The following ELF3 variants were observed in gnomAD, a reference collection of about 807,000 sequenced individuals.
ELF3 encodes E74 like ETS transcription factor 3.
A neutral mutation model predicts 43.9 loss-of-function variants in ELF3; 18 were observed. The observed-to-expected ratio is 0.41, with a 90% confidence interval of 0.28 to 0.61. ELF3 has a LOEUF of 0.61. Among genes scored for constraint, ELF3 ranks in the 20% least tolerant of loss-of-function variants. The pLI is 0.30. For synonymous variants in ELF3, 181 were observed against 190.2 expected (o/e 0.95, Z 0.40); for missense variants, 373 against 487.7 (o/e 0.76, Z 2.21).
rs764631516 is a variant in ELF3 at position 202,013,044 on chromosome 1, G to A, written c.688+8G>A. On this transcript the variant is annotated splice_region_variant and intron_variant, in intron 6 of 8. Coordinates refer to ENST00000367284, the MANE Select transcript of ELF3 (RefSeq NM_004433.5). The surrounding 1 kb of genome is among the most constrained non-coding windows in gnomAD (Gnocchi z 5.7). ...GCAAGCTCTTCCCCAGCGGTGAGTC[G>A]AGGGAGGTCCCCAAGAGGGCGTCCC... The A allele has an allele frequency of 3.1e-6, 5 of 1,611,302 alleles. No individual in the cohort carries two copies. Among genetic ancestry groups the A allele is most frequent in the South Asian group, 2.2e-5 (2 of 90,562 alleles).
Position 202,012,830 on chromosome 1 carries a change from A to G in ELF3, c.598+71A>G. The G allele has an allele frequency of 2.0e-6, 3 of 1,538,290 alleles. No homozygotes were observed. The highest frequency in any genetic ancestry group is 2.6e-6 in the Non-Finnish European group (3 of 1,143,238). ...CTTGTTCCCTCTGGCTCCCAGCACC[A>G]TAACTCAGGCCTTCTGGCAGGAACA... On this transcript the variant is annotated intron_variant, in intron 5 of 8. Coordinates refer to ENST00000367284, the MANE Select transcript of ELF3 (RefSeq NM_004433.5). The surrounding 1 kb of genome is among the most constrained non-coding windows in gnomAD (Gnocchi z 4.2).
rs745722163 is a variant in ELF3, at chr1:202,011,996, C to T, written c.203C>T (p.Ser68Leu). ...TTGGGGGAACAGCCCCAGTTCTGGTCGAAGACGCAGGTTCTGGACTGGATC... is the reference window on the plus strand; with the variant it reads ...TTGGGGGAACAGCCCCAGTTCTGGTTGAAGACGCAGGTTCTGGACTGGATC... Reference protein sequence around the residue: ...SWLGEQPQFWSKTQVLDWISY... With the variant: ...SWLGEQPQFWLKTQVLDWISY... Residue 68 changes from serine to leucine, a missense_variant, in exon 3 of 9, where the codon TCG becomes TTG. Coordinates refer to ENST00000367284, the MANE Select transcript of ELF3 (RefSeq NM_004433.5). The T allele has an allele frequency of 1.9e-6, 3 of 1,614,050 alleles. No individual in the cohort carries two copies. The highest frequency in any genetic ancestry group is 1.1e-5 in the South Asian group (1 of 91,062).
chr1:202,014,214 C>T (rs1684269242), intron 8 of ELF3, among the ~76,000 whole-genome samples, 190 bp downstream of exon 8: 1 of 152,222 alleles, frequency 6.6e-6, no homozygotes, highest in Non-Finnish European at 1.5e-5. Flanking sequence ...GCCTGGCAGA[C>T]AGCAGACACA....
At position 202,012,079 on chromosome 1, in the gene ELF3, G is replaced by A; in HGVS notation, c.286G>A (p.Asp96Asn). The A allele has an allele frequency of 6.2e-7, 1 of 1,614,232 alleles. No individual in the cohort carries two copies. The highest frequency in any genetic ancestry group is 1.1e-5 in the South Asian group (1 of 91,088). Residue 96 changes from aspartate (D) to asparagine (N), a missense_variant, in exon 3 of 9, where the codon GAC becomes AAC. Transcript: ENST00000367284. The surrounding 1 kb of genome is among the most constrained non-coding windows in gnomAD (Gnocchi z 4.2). ...AAGCGCCATTGACTTCTCACGATGT[G>A]ACATGGATGGCGCCACCCTCTGCAA... ...DASAIDFSRC[D>N]MDGATLCNCA...
chr1:202,011,198 C>T lies in ELF3; in HGVS notation c.62C>T (p.Ser21Leu), dbSNP rs150188692. 2.3e-5 allele frequency: 37 copies of T among 1,614,008 alleles called. No individual in the cohort carries two copies. Among genetic ancestry groups the T allele is most frequent in the Non-Finnish European group, 2.5e-5 (29 of 1,179,996 alleles). ...AACTACTTCAGTGCGATGTACAGCT[C>T]GGAGGACTCCACCCTGGCCTCTGTT... Reference protein sequence around the residue: ...FSNYFSAMYSSEDSTLASVPP... With the variant: ...FSNYFSAMYSLEDSTLASVPP... The change falls in exon 2 of 9, where the codon TCG becomes TTG. Residue 21 changes from serine to leucine, a missense_variant. By Grantham distance (145) the Ser-to-Leu change is moderately radical (BLOSUM62 -2). Transcript: ENST00000367284.
In ELF3 at chr1:202,012,822, C is replaced by T; in HGVS notation, c.598+63C>T. ...AAGTGTCCCTTGTTCCCTCTGGCTC[C>T]CAGCACCATAACTCAGGCCTTCTGG... On this transcript the variant is annotated intron_variant, in intron 5 of 8. Transcript: ENST00000367284. The surrounding 1 kb of genome is among the most constrained non-coding windows in gnomAD (Gnocchi z 4.2). 3 of 1,536,904 alleles carry T rather than the reference C, an allele frequency of 2.0e-6. No homozygotes were observed. Among genetic ancestry groups the T allele is most frequent in the Non-Finnish European group, 2.6e-6 (3 of 1,142,346 alleles).
In ELF3 at chr1:202,012,797, A is replaced by G. The variant is rs775471395; in HGVS notation, c.598+38A>G. The G allele has an allele frequency of 6.5e-7, 1 of 1,537,904 alleles. No individual in the cohort carries two copies. Among genetic ancestry groups the G allele is most frequent in the Non-Finnish European group, 8.8e-7 (1 of 1,142,628 alleles). On this transcript the variant is annotated intron_variant, in intron 5 of 8. Transcript: ENST00000367284. The surrounding 1 kb of genome is among the most constrained non-coding windows in gnomAD (Gnocchi z 4.2). ...TCTGGGCCACAACCTCCCTTCCCCG[A>G]AGTGTCCCTTGTTCCCTCTGGCTCC...
Position 202,011,256 on chromosome 1 carries a change from G to T in ELF3, c.120G>T (p.Leu40Phe), listed in dbSNP as rs1186983039. 6.2e-7 allele frequency: 1 copy of T among 1,611,436 alleles called. No individual in the cohort carries two copies. The highest frequency in any genetic ancestry group is 8.5e-7 in the Non-Finnish European group (1 of 1,178,652). Residue 40 changes from leucine to phenylalanine, a missense_variant, in exon 2 of 9, where the codon TTG (leucine) becomes TTT (phenylalanine). Leu to Phe is a conservative substitution (Grantham distance 22). Around this residue, in one of 3 missense-constraint regions of ELF3, gnomAD observed 311 missense variants for 351.2 expected, o/e 0.89. Transcript: ENST00000367284. ...PPAATFGADD[L>F]VLTLSNPQMS... ...CTGCCACCTTTGGGGCCGATGACTT[G>T]GTACTGACCCTGAGCAACCCCCAGA...
rs1684184722 is a variant in ELF3 at position 202,011,179 on chromosome 1, T to C, written c.43T>C (p.Phe15Leu). The change falls in exon 2 of 9, where the codon TTC becomes CTC. Residue 15 changes from phenylalanine to leucine, a missense_variant. Phe to Leu is a conservative substitution (Grantham distance 22). Transcript: ENST00000367284. Reference protein sequence around the residue: ...CEISNIFSNYFSAMYSSEDST... With the variant: ...CEISNIFSNYLSAMYSSEDST... ...GATTAGCAACATTTTTAGCAACTAC[T>C]TCAGTGCGATGTACAGCTCGGAGGA... is the stretch of plus-strand genomic sequence containing the variant. 6.2e-7 allele frequency: 1 copy of C among 1,614,080 alleles called. No homozygotes were observed. Among genetic ancestry groups the C allele is most frequent in the African/African-American group, 1.3e-5 (1 of 75,012 alleles).
rs11303270 is a variant in ELF3, at chr1:202,016,520, GA to G, written c.*1212del. The G allele has an allele frequency of 0.9, 119,742 of 133,704 alleles. 53,437 individuals are homozygous for G. Among genetic ancestry groups the G allele is most frequent in the East Asian group, 0.98 (4,613 of 4,706 alleles). The allele number at this position is 133,704 out of a possible 1,614,324, so 8.3% of individuals were successfully genotyped here. Reference sequence around the variant, plus strand: ...AAATCAGAGTTAGGATCTTGTAAAGGAAAAAAAAAAAAAAACAAAACAAAAT... The same window carrying G: ...AAATCAGAGTTAGGATCTTGTAAAGGAAAAAAAAAAAAAACAAAACAAAAT... On this transcript the variant is annotated 3_prime_UTR_variant, in exon 9 of 9. Transcript: ENST00000367284.
Position 202,016,991 on chromosome 1 carries a change from T to G in ELF3, c.*1668T>G, listed in dbSNP as rs1482235320. 1 of 152,148 alleles carries G rather than the reference T, an allele frequency of 6.6e-6. No homozygotes were observed. The highest frequency in any genetic ancestry group is 2.4e-5 in the African/African-American group (1 of 41,426). 9.4% of individuals were successfully genotyped at this position (152,148 alleles called of 1,614,324 possible). ...TTCCACAGTGATACTGTGTCTAGGT[T>G]TTAGGGAGGACAGTTCATTGATGTT... On this transcript the variant is annotated 3_prime_UTR_variant, in exon 9 of 9. Transcript: ENST00000367284.
intron 8 of ELF3, 41 bp downstream of exon 8, chr1:202,014,065 G>A: frequency 6.4e-7 from 1 of 1,561,340 alleles, no homozygotes; most frequent in Non-Finnish European, 8.7e-7. Flanking sequence ...AGCCGGACAT[G>A]GGGACAGGCG....
Position 202,012,340 on chromosome 1 carries a change from T to C in ELF3, c.386-4T>C. On this transcript the variant is annotated splice_polypyrimidine_tract_variant and splice_region_variant and intron_variant, in intron 3 of 8. Coordinates refer to ENST00000367284, the MANE Select transcript of ELF3 (RefSeq NM_004433.5). The surrounding 1 kb of genome is among the most constrained non-coding windows in gnomAD (Gnocchi z 4.2). ...AGTGTGACCCTTCCTTCCTTCCTTGTCAGCTTCCAGCTCTTCTGATGAGCT... is the reference window on the plus strand; with the variant it reads ...AGTGTGACCCTTCCTTCCTTCCTTGCCAGCTTCCAGCTCTTCTGATGAGCT... 1.2e-6 allele frequency: 2 copies of C among 1,613,976 alleles called. No homozygotes were observed. Among genetic ancestry groups the C allele is most frequent in the Non-Finnish European group, 1.7e-6 (2 of 1,179,942 alleles).
chr1:202,014,050 G>A (rs757796409), intron 8 of ELF3, 26 bp downstream of exon 8: 11 of 1,587,092 alleles, frequency 6.9e-6, no homozygotes, highest in Admixed American at 5.2e-5. Context: ...GGACCCTCAC[G>A]ATACAGCCGG....
intron 8 of ELF3, among the ~76,000 whole-genome samples, chr1:202,014,457 T>C (rs1684273880): frequency 1.3e-5 from 2 of 152,172 alleles, no homozygotes. Context: ...TTACTTTTTT[T>C]TTCTTTTTCT....
chr1:202,014,148 A>ACT, intron 8 of ELF3, 124 bp downstream of exon 8: 2 of 1,185,926 alleles, frequency 1.7e-6, no homozygotes, highest in Non-Finnish European at 2.3e-6. Context: ...TAGAGTGAGG[A>ACT]CAACATCTGG....
rs765020663 is a variant in ELF3 at position 202,014,027 on chromosome 1, G to A, written c.1001+3G>A. On this transcript the variant is annotated splice_donor_region_variant and intron_variant, in intron 8 of 8. Coordinates refer to ENST00000367284, the MANE Select transcript of ELF3 (RefSeq NM_004433.5). Reference sequence around the variant, plus strand: ...GAGAAGCTGAGCCGGGCCATGAGGTGAGCTGGCGGCCAGGACCCTCACGAT... The same window carrying A: ...GAGAAGCTGAGCCGGGCCATGAGGTAAGCTGGCGGCCAGGACCCTCACGAT... 1 of 1,604,734 alleles carries A rather than the reference G, an allele frequency of 6.2e-7. No individual in the cohort carries two copies. The highest frequency in any genetic ancestry group is 2.2e-5 in the East Asian group (1 of 44,646).
Position 202,013,403 on chromosome 1 carries a change from G to T in ELF3, c.805+105G>T, listed in dbSNP as rs896039567. On this transcript the variant is annotated intron_variant, in intron 7 of 8. Coordinates refer to ENST00000367284, the MANE Select transcript of ELF3 (RefSeq NM_004433.5). This position sits in a 1 kb window ranked among gnomAD's most constrained non-coding sequence, Gnocchi z 5.7. The stretch of plus-strand genomic sequence containing the variant: ...CCTTCTCCCGTTTTCTCTGGCCTCC[G>T]CATGGCCTTTGGTAAGGCTGTGCAC... The T allele has an allele frequency of 2.5e-5, 29 of 1,175,208 alleles. No individual in the cohort carries two copies. In the South Asian group the frequency reaches 3.6e-4, roughly 15 times the overall value. 72.8% of individuals were successfully genotyped at this position (1,175,208 alleles called of 1,614,324 possible).
chr1:202,011,791 C>G, intron 2 of ELF3, 166 bp from the exon 3 acceptor site: 1 of 655,658 alleles, frequency 1.5e-6, no homozygotes, highest in Non-Finnish European at 2.6e-6. Context: ...GCAGGAGTAT[C>G]GCTTGAACCT....
Sources: gnomAD v4.1 joint callset for allele counts (sites outside exome capture counted in the v4.1 genomes callset) on GRCh38, gnomAD v4.1.1 for gene constraint, gnomAD v4.1.1 regional missense constraint, Gnocchi (gnomAD v3.1) non-coding constraint, MANE v1.5 for transcripts, NCBI Gene and HGNC (gene_info 2026-07-23, HGNC 2026-07-21) for gene names.